The following PHACTR2 variants were observed in gnomAD, a reference collection of about 807,000 sequenced individuals.
The protein encoded by PHACTR2 is chromosome 6 open reading frame 56.
In PHACTR2, 30 loss-of-function variants were observed where a neutral mutation model predicts 76.0. That is an observed-to-expected ratio of 0.39 (90% CI 0.30 to 0.54). The LOEUF (loss-of-function observed/expected upper bound fraction) is 0.54, where lower values mean the gene tolerates loss of function less well. Among genes scored for constraint, PHACTR2 ranks in the 20% least tolerant of loss-of-function variants. The pLI, the probability that PHACTR2 is intolerant of heterozygous loss-of-function variation, is 0.61. For missense variants in PHACTR2, 696 were observed against 781.1 expected, an observed-to-expected ratio of 0.89 and a Z score of 1.30; for synonymous variants, 292 against 292.5, an observed-to-expected ratio of 1.00 and a Z score of 0.02.
In PHACTR2 at chr6:143,739,136, C is replaced by T. The variant is rs1055025691; in HGVS notation, c.215-9849C>T. On this transcript the variant is annotated intron_variant, in intron 2 of 12. Transcript: ENST00000440869. The surrounding 1 kb of genome is among the most constrained non-coding windows in gnomAD (Gnocchi z 4.3). ...CTGGAGTGCAGTGGCACGGTTTTGG[C>T]TCACTGCAAGCTCCGCCTCCCGGGT... Among the ~76,000 whole-genome samples the T allele has an allele frequency of 6.6e-6, 1 of 152,202 alleles. No individual in the cohort carries two copies. Among genetic ancestry groups the T allele is most frequent in the African/African-American group, 2.4e-5 (1 of 41,444 alleles).
At position 143,583,517 on chromosome 6, in the gene PHACTR2, G is replaced by T. The variant is rs562774495; in HGVS notation, c.217+46310G>T. Among the ~76,000 whole-genome samples the T allele has an allele frequency of 6.6e-6, 1 of 152,368 alleles. No individual in the cohort carries two copies. Among genetic ancestry groups the T allele is most frequent in the East Asian group, 1.9e-4 (1 of 5,194 alleles). ...ACAAGAATTTGAAAAAGGGTGTATA[G>T]AATACAAATACTGTTGAATGGTGCA... On this transcript the variant is annotated intron_variant, in intron 1 of 11. Coordinates refer to the PHACTR2 transcript ENST00000367584. This position sits in a 1 kb window ranked among gnomAD's most constrained non-coding sequence, Gnocchi z 4.0.
At chr6:143,711,596 A>AT (rs1475903279) in intron 1 of PHACTR2, among the ~76,000 whole-genome samples, 2 of 152,246 alleles carry the variant, frequency 1.3e-5, no homozygotes, top group Non-Finnish European at 2.9e-5. Context: ...AGAAACCATG[A>AT]TTTTAACTAC....
In PHACTR2 at chr6:143,537,232, CG is replaced by C. The variant is rs1471640914; in HGVS notation, c.217+29del. The C allele has an allele frequency of 1.0e-5, 2 of 194,884 alleles. No homozygotes were observed. Among genetic ancestry groups the C allele is most frequent in the South Asian group, 2.0e-4 (2 of 9,832 alleles). 12.1% of individuals were successfully genotyped at this position (194,884 alleles called of 1,614,324 possible). A position where few individuals can be genotyped will look rare whatever the true frequency, so the allele number is the denominator to read the frequency against. On this transcript the variant is annotated intron_variant, in intron 1 of 11. Coordinates refer to the PHACTR2 transcript ENST00000367584. This position sits in a 1 kb window ranked among gnomAD's most constrained non-coding sequence, Gnocchi z 4.4. ...GGTAAGAGCGGCTCGGGGCGCGGGC[CG>C]GGGAGGGCCGGCCGCGGGCAGGTGG...
intron 1 of PHACTR2, among the ~76,000 whole-genome samples, chr6:143,691,277 G>A (rs1042076539): frequency 7.1e-6 from 1 of 139,866 alleles, no homozygotes; most frequent in Non-Finnish European, 1.5e-5. Context: ...GGGACCTTCT[G>A]TATTTAAATT....
Position 143,753,957 on chromosome 6 carries a change from C to T in PHACTR2, c.454+45C>T. The T allele has an allele frequency of 7.2e-7, 1 of 1,395,232 alleles. No individual in the cohort carries two copies. The highest frequency in any genetic ancestry group is 2.3e-5 in the Admixed American group (1 of 43,294). 86.4% of individuals were successfully genotyped at this position (1,395,232 alleles called of 1,614,324 possible). ...ATATTATTTACTTTAGTATATAGCT[C>T]AATGTCTAGAACCAGCACTTAGGCT... On this transcript the variant is annotated intron_variant, in intron 4 of 12. Coordinates refer to ENST00000440869, the MANE Select transcript of PHACTR2 (RefSeq NM_001100164.2). This position sits in a 1 kb window ranked among gnomAD's most constrained non-coding sequence, Gnocchi z 4.6.
At chr6:143,725,002 T>C (rs937255743) in intron 2 of PHACTR2, among the ~76,000 whole-genome samples, 2 of 152,216 alleles carry the variant, frequency 1.3e-5, no homozygotes, top group African/African-American at 4.8e-5. Flanking sequence ...CTATGGCGAA[T>C]ATGTGATCAT....
chr6:143,777,300 C>T lies in PHACTR2; in HGVS notation c.1590-28C>T, dbSNP rs1203309024. The T allele has an allele frequency of 2.8e-6, 4 of 1,403,814 alleles. No homozygotes were observed. The highest frequency in any genetic ancestry group is 1.4e-5 in the African/African-American group (1 of 69,804). 87.0% of individuals were successfully genotyped at this position (1,403,814 alleles called of 1,614,324 possible). ...CCTACTAGGGTACCTTGTTTTTAAC[C>T]TGTAATATATCCTTTTTGTCATCAT... On this transcript the variant is annotated intron_variant, in intron 8 of 12. Coordinates refer to ENST00000440869, the MANE Select transcript of PHACTR2 (RefSeq NM_001100164.2). This position sits in a 1 kb window ranked among gnomAD's most constrained non-coding sequence, Gnocchi z 4.6.
rs1252679314 is a variant in PHACTR2 at position 143,731,151 on chromosome 6, A to G, written c.215-17834A>G. ...TATGAATAGATATTGGATTTCTCAAACGCATTTTTCTGGATCAATTGATAT... is the reference window on the plus strand; with the variant it reads ...TATGAATAGATATTGGATTTCTCAAGCGCATTTTTCTGGATCAATTGATAT... On this transcript the variant is annotated intron_variant, in intron 2 of 12. Transcript: ENST00000440869. The surrounding 1 kb of genome is among the most constrained non-coding windows in gnomAD (Gnocchi z 4.9). Among the ~76,000 whole-genome samples the G allele has an allele frequency of 6.6e-6, 1 of 152,182 alleles. No homozygotes were observed. The highest frequency in any genetic ancestry group is 1.5e-5 in the Non-Finnish European group (1 of 68,046).
At position 143,739,128 on chromosome 6, in the gene PHACTR2, G is replaced by T. The variant is rs1025496694; in HGVS notation, c.215-9857G>T. 2.0e-5 allele frequency among the ~76,000 whole-genome samples: 3 copies of T among 152,132 alleles called. No individual in the cohort carries two copies. Among genetic ancestry groups the T allele is most frequent in the Admixed American group, 1.3e-4 (2 of 15,282 alleles). On this transcript the variant is annotated intron_variant, in intron 2 of 12. Transcript: ENST00000440869. This position sits in a 1 kb window ranked among gnomAD's most constrained non-coding sequence, Gnocchi z 4.3. ...TCCCGAGGCTGGAGTGCAGTGGCAC[G>T]GTTTTGGCTCACTGCAAGCTCCGCC...
At chr6:143,762,334 G>A (rs376907901) in intron 5 of PHACTR2, among the ~76,000 whole-genome samples, 8 of 152,290 alleles carry the variant, frequency 5.3e-5, no homozygotes, top group African/African-American at 1.9e-4. Context: ...TCAGGGGACA[G>A]CTTTCATAAA....
At chr6:143,577,005 T>G (rs571116294) in intron 1 of PHACTR2, among the ~76,000 whole-genome samples, 2 of 152,004 alleles carry the variant, frequency 1.3e-5, no homozygotes, top group Non-Finnish European at 2.9e-5. Context: ...AACAAACTAC[T>G]ATATCAGATT....
In PHACTR2 at chr6:143,748,847, GTT is replaced by G. The variant is rs33958582; in HGVS notation, c.215-131_215-130del. 2.2e-5 allele frequency: 12 copies of G among 550,372 alleles called. No homozygotes were observed. In the South Asian group the frequency reaches 2.4e-4, roughly 11 times the overall value. 34.1% of individuals were successfully genotyped at this position (550,372 alleles called of 1,614,324 possible). A position where few individuals can be genotyped will look rare whatever the true frequency, so the allele number is the denominator to read the frequency against. On this transcript the variant is annotated intron_variant, in intron 2 of 12. Coordinates refer to ENST00000440869, the MANE Select transcript of PHACTR2 (RefSeq NM_001100164.2). ...TGTGTTGATTCCACTCAGATCATGT[GTT>G]TTTTTTAAGCAACTAAGAAAACGAG...
intron 12 of PHACTR2, among the ~76,000 whole-genome samples, chr6:143,812,959 T>C (rs1199998086): frequency 1.3e-5 from 2 of 152,246 alleles, no homozygotes; most frequent in Admixed American, 1.3e-4. Flanking sequence ...TTCTAAACTG[T>C]AAAGTAGTTA....
At chr6:143,723,035 C>T (rs1406759267) in intron 2 of PHACTR2, among the ~76,000 whole-genome samples, 1 of 152,160 alleles carries the variant, frequency 6.6e-6, no homozygotes, top group Non-Finnish European at 1.5e-5. Flanking sequence ...TGTTGATGGA[C>T]ACTTAGGTTG....
chr6:143,589,767 A>T lies in PHACTR2; in HGVS notation c.217+52560A>T, dbSNP rs1157359008. On this transcript the variant is annotated intron_variant, in intron 1 of 11. Transcript: ENST00000367584. The surrounding 1 kb of genome is among the most constrained non-coding windows in gnomAD (Gnocchi z 4.4). The stretch of plus-strand genomic sequence containing the variant: ...GTCCTGGAAGCCAGGGCTTCAACAT[A>T]TAAATTTAGGGGAGGGGACACAATT... Among the ~76,000 whole-genome samples the T allele has an allele frequency of 6.6e-6, 1 of 152,202 alleles. No individual in the cohort carries two copies. Among genetic ancestry groups the T allele is most frequent in the Non-Finnish European group, 1.5e-5 (1 of 68,034 alleles).
At position 143,678,045 on chromosome 6, in the gene PHACTR2, G is replaced by A. The variant is rs908078695; in HGVS notation, c.-119G>A. On this transcript the variant is annotated 5_prime_UTR_variant, in exon 1 of 13. Transcript: ENST00000440869. This position sits in a 1 kb window ranked among gnomAD's most constrained non-coding sequence, Gnocchi z 6.2. ...CGCGGGGTAGAAGGTGAGGGGACCC[G>A]GCGGGCCGCTCGGCACAGGCCGGGA... 2 of 1,522,642 alleles carry A rather than the reference G, an allele frequency of 1.3e-6. No individual in the cohort carries two copies. The highest frequency in any genetic ancestry group is 1.4e-5 in the African/African-American group (1 of 70,212). The allele number at this position is 1,522,642 out of a possible 1,614,324, so 94.3% of individuals were successfully genotyped here.
In PHACTR2 at chr6:143,768,267, A is replaced by G. The variant is rs74749050; in HGVS notation, c.1232+2469A>G. Among the ~76,000 whole-genome samples, 128 of 152,310 alleles carry G rather than the reference A, an allele frequency of 8.4e-4. 1 individual carries two copies. The East Asian group carries it at 0.015, about 18-fold the overall frequency. On this transcript the variant is annotated intron_variant, in intron 6 of 12. Coordinates refer to ENST00000440869, the MANE Select transcript of PHACTR2 (RefSeq NM_001100164.2). Reference sequence around the variant, plus strand: ...TTTTCCAACATTGCCATCACTTCCAACCATTAGAACTGAACATTCATTCTT... The same window carrying G: ...TTTTCCAACATTGCCATCACTTCCAGCCATTAGAACTGAACATTCATTCTT...
upstream of PHACTR2, among the ~76,000 whole-genome samples, chr6:143,677,288 T>G (rs925016797): frequency 1.9e-5 from 2 of 106,696 alleles, no homozygotes; most frequent in African/African-American, 6.2e-5. Flanking sequence ...TGAAGAATAT[T>G]TATTTGTATT....
intron 2 of PHACTR2, among the ~76,000 whole-genome samples, chr6:143,721,772 G>A (rs1272767939): frequency 1.3e-5 from 2 of 151,996 alleles, no homozygotes; most frequent in Admixed American, 6.6e-5. Context: ...CTCACCACAG[G>A]AGTGTACTAG....
Sources: allele counts gnomAD v4.1 joint callset (sites outside exome capture counted in the v4.1 genomes callset), GRCh38; gene constraint gnomAD v4.1.1; non-coding constraint Gnocchi (gnomAD v3.1); transcripts MANE v1.5; gene names NCBI Gene and HGNC (gene_info 2026-07-23, HGNC 2026-07-21).